Variants in SNRPB2 observed in about 807,000 individuals in gnomAD.
The protein encoded by SNRPB2 is small nuclear ribonucleoprotein polypeptide B2, also known as U2 small nuclear ribonucleoprotein B''.
Under a neutral mutation model 26.3 loss-of-function variants are expected in SNRPB2, and 16 were observed. That is an observed-to-expected ratio of 0.61 (90% CI 0.41 to 0.92). The LOEUF (loss-of-function observed/expected upper bound fraction) is 0.92, where lower values mean the gene tolerates loss of function less well. Among genes scored for constraint, SNRPB2 ranks in the 40% least tolerant of loss-of-function variants. The pLI is 0.00. For missense variants in SNRPB2, 179 were observed against 268.1 expected, an observed-to-expected ratio of 0.67 and a Z score of 2.32; for synonymous variants, 75 against 89.0, an observed-to-expected ratio of 0.84 and a Z score of 0.88.
chr20:16,737,141 C>G (rs1336433338), intron 3 of SNRPB2, 120 bp from the exon 4 acceptor site: 1 of 711,508 alleles, frequency 1.4e-6, no homozygotes. Flanking sequence ...GACAGATTTT[C>G]TTAGGGATAT....
intron 2 of SNRPB2, 151 bp from the exon 3 acceptor site, chr20:16,732,013 A>G (rs1216704827): frequency 1.5e-5 from 9 of 620,266 alleles, no homozygotes; most frequent in Non-Finnish European, 2.4e-5. Flanking sequence ...CATATAGCCA[A>G]TGGGAATAGT....
In SNRPB2 at chr20:16,741,113, A is replaced by G. The variant is rs2072460063; in HGVS notation, c.*108A>G. 1.3e-6 allele frequency: 1 copy of G among 743,930 alleles called. No homozygotes were observed. Among genetic ancestry groups the G allele is most frequent in the Non-Finnish European group, 2.1e-6 (1 of 480,244 alleles). 46.1% of individuals were successfully genotyped at this position (743,930 alleles called of 1,614,324 possible). On this transcript the variant is annotated 3_prime_UTR_variant, in exon 7 of 7. Coordinates refer to ENST00000246071, the MANE Select transcript of SNRPB2 (RefSeq NM_003092.5). The stretch of plus-strand genomic sequence containing the variant: ...TTAGAGATGAGGAGGAGTAAAAGTG[A>G]AATTTTTGTGAAGGACTTAAATTAT...
intron 4 of SNRPB2, among the ~76,000 whole-genome samples, chr20:16,738,072 A>C (rs533819420): frequency 7.9e-5 from 12 of 151,714 alleles, no homozygotes; most frequent in Admixed American, 2.0e-4. Context: ...AACCCAAAAA[A>C]CAAACAAAAA....
At chr20:16,733,877 CTG>C (rs1215281649) in intron 3 of SNRPB2, among the ~76,000 whole-genome samples, 11 of 152,172 alleles carry the variant, frequency 7.2e-5, no homozygotes, top group Admixed American at 3.9e-4. Flanking sequence ...TCCCAGGAAA[CTG>C]TGGGATGGTA....
intron 5 of SNRPB2, among the ~76,000 whole-genome samples, chr20:16,740,116 C>G (rs1372453843): frequency 6.6e-6 from 1 of 152,068 alleles, no homozygotes. Flanking sequence ...GTTTCATATA[C>G]TGTTAAACAC....
In SNRPB2 at chr20:16,741,080, T is replaced by C; in HGVS notation, c.*75T>C. On this transcript the variant is annotated 3_prime_UTR_variant, in exon 7 of 7. Transcript: ENST00000246071. ...TTTTGATAACATTTGGCTGGGTCAT[T>C]TTAATAGTTAGAGATGAGGAGGAGT... The C allele has an allele frequency of 8.7e-7, 1 of 1,154,212 alleles. No individual in the cohort carries two copies. The highest frequency in any genetic ancestry group is 1.2e-6 in the Non-Finnish European group (1 of 821,438). 71.5% of individuals were successfully genotyped at this position (1,154,212 alleles called of 1,614,324 possible). A position where few individuals can be genotyped will look rare whatever the true frequency, so the allele number is the denominator to read the frequency against.
At chr20:16,737,500 G>A in intron 4 of SNRPB2, 99 bp downstream of exon 4, 2 of 1,019,694 alleles carry the variant, frequency 2.0e-6, no homozygotes, top group East Asian at 5.4e-5. Context: ...GTCTGTATAT[G>A]TGCATAAATG....
intron 5 of SNRPB2, 54 bp from the exon 6 acceptor site, chr20:16,740,271 C>A (rs2072454560): frequency 1.2e-5 from 19 of 1,597,786 alleles, no homozygotes; most frequent in Non-Finnish European, 1.6e-5. Context: ...ACATGCCTAG[C>A]TTACGATGCT....
chr20:16,739,300 C>G (rs918218108), intron 5 of SNRPB2, among the ~76,000 whole-genome samples: 1 of 152,122 alleles, frequency 6.6e-6, no homozygotes, highest in African/African-American at 2.4e-5. Flanking sequence ...GTGTTACACT[C>G]TTTGGGCACA....
At chr20:16,735,508 T>G (rs1294925254) in intron 3 of SNRPB2, among the ~76,000 whole-genome samples, 1 of 152,210 alleles carries the variant, frequency 6.6e-6, no homozygotes, top group African/African-American at 2.4e-5. Flanking sequence ...GTGATAATGC[T>G]TTAAGCCAGG....
At chr20:16,730,277 C>T (rs117178189) in intron 1 of SNRPB2, 113 bp downstream of exon 1, 1,650 of 152,746 alleles carry the variant, frequency 0.011, 31 homozygotes, top group East Asian at 0.036. Context: ...CGTTAGGGGG[C>T]CTTGGGCGAA....
Position 16,742,366 on chromosome 20 carries a change from TTGAG to T in SNRPB2, c.*1364_*1367del, listed in dbSNP as rs1876805415. On this transcript the variant is annotated 3_prime_UTR_variant, in exon 7 of 7. Coordinates refer to ENST00000246071, the MANE Select transcript of SNRPB2 (RefSeq NM_003092.5). ...TCCCATGCCCAGTCCTGGCCATGCT[TTGAG>T]TGGCTGTATTGGAGCAGAAAAGCCA... The T allele has an allele frequency of 6.6e-6, 1 of 152,076 alleles. No homozygotes were observed. The highest frequency in any genetic ancestry group is 2.4e-5 in the African/African-American group (1 of 41,376). 9.4% of individuals were successfully genotyped at this position (152,076 alleles called of 1,614,324 possible). A position where few individuals can be genotyped will look rare whatever the true frequency, so the allele number is the denominator to read the frequency against.
In SNRPB2 at chr20:16,732,221, T is replaced by TG. The variant is rs756879135; in HGVS notation, c.124dup (p.Ala42GlyfsTer16). The TG allele has an allele frequency of 6.2e-7, 1 of 1,605,158 alleles. No individual in the cohort carries two copies. The highest frequency in any genetic ancestry group is 8.5e-7 in the Non-Finnish European group (1 of 1,173,602). The stretch of plus-strand genomic sequence containing the variant: ...CAGTTTGGTCATGTGGTGGACATTG[T>TG]GGCTTTAAAGACCATGAAGATGAGG... On this transcript the variant is annotated frameshift_variant, in exon 3 of 7. Coordinates refer to ENST00000246071, the MANE Select transcript of SNRPB2 (RefSeq NM_003092.5). LOFTEE classifies it high-confidence loss of function.
In SNRPB2 at chr20:16,737,362, G is replaced by A. The variant is rs2072433127; in HGVS notation, c.339G>A (p.Val113=). ...KKKEKKKAKT[V]EQTATTTNKK... is the part of the protein sequence containing the mutation. ...AAGAAAAGAAAAAAGCCAAAACTGT[G>A]GAACAGACTGCAACAACCACAAACA... Residue 113 remains valine (V), a synonymous_variant, in exon 4 of 7, where the codon GTG becomes GTA. Coordinates refer to ENST00000246071, the MANE Select transcript of SNRPB2 (RefSeq NM_003092.5). 1.2e-6 allele frequency: 2 copies of A among 1,601,534 alleles called. No individual in the cohort carries two copies. The highest frequency in any genetic ancestry group is 1.1e-5 in the South Asian group (1 of 87,136).
chr20:16,741,615 A>T lies in SNRPB2; in HGVS notation c.*610A>T, dbSNP rs571326835. The T allele has an allele frequency of 6.6e-6, 1 of 152,310 alleles. No individual in the cohort carries two copies. The highest frequency in any genetic ancestry group is 1.9e-4 in the East Asian group (1 of 5,184). The allele number at this position is 152,310 out of a possible 1,614,324, so 9.4% of individuals were successfully genotyped here. ...AAAACAGAAAGGGAATGCTATCTTCACACTTTGCATTTAATGCTGTTTCCT... is the reference window on the plus strand; with the variant it reads ...AAAACAGAAAGGGAATGCTATCTTCTCACTTTGCATTTAATGCTGTTTCCT... On this transcript the variant is annotated 3_prime_UTR_variant, in exon 7 of 7. Coordinates refer to ENST00000246071, the MANE Select transcript of SNRPB2 (RefSeq NM_003092.5).
intron 6 of SNRPB2, 92 bp from the exon 7 acceptor site, chr20:16,740,754 G>T: frequency 1.1e-6 from 1 of 918,920 alleles, no homozygotes; most frequent in Non-Finnish European, 1.7e-6. Flanking sequence ...TATTTTTCTT[G>T]GACTAGTATT....
chr20:16,733,173 G>A (rs559639372), intron 3 of SNRPB2, among the ~76,000 whole-genome samples: 7 of 152,336 alleles, frequency 4.6e-5, no homozygotes, highest in Admixed American at 2.0e-4. Flanking sequence ...CTCTGTGCCC[G>A]TGGTTAGTTT....
rs1037279971 is a variant in SNRPB2 at position 16,737,168 on chromosome 20, T to C, written c.238-93T>C. The C allele has an allele frequency of 3.1e-6, 3 of 962,018 alleles. No individual in the cohort carries two copies. In the African/African-American group the frequency reaches 5.0e-5, roughly 16 times the overall value. 59.6% of individuals were successfully genotyped at this position (962,018 alleles called of 1,614,324 possible). ...TAGGGATATGTTTAAAATTAGCTTG[T>C]AGTGTATTTGCGTAATGAAATTTGA... On this transcript the variant is annotated intron_variant, in intron 3 of 6. Transcript: ENST00000246071.
intron 4 of SNRPB2, among the ~76,000 whole-genome samples, chr20:16,737,635 A>G (rs1166584550): frequency 6.6e-6 from 1 of 152,232 alleles, no homozygotes; most frequent in Non-Finnish European, 1.5e-5. Context: ...ATGGCATTTA[A>G]TTCGATCATT....
Sources: allele counts gnomAD v4.1 joint callset (sites outside exome capture counted in the v4.1 genomes callset), GRCh38; gene constraint gnomAD v4.1.1; transcripts MANE v1.5; gene names NCBI Gene and HGNC (gene_info 2026-07-23, HGNC 2026-07-21).